MCPH1: variants seen among roughly 807,000 people sequenced by gnomAD.
The protein encoded by MCPH1 is microcephalin 1, also known as microcephalin.
In MCPH1, 104 loss-of-function variants were observed where a neutral mutation model predicts 84.5. The ratio of observed to expected loss-of-function variants is 1.23; its 90% confidence interval spans 1.05 to 1.45. The LOEUF is 1.45. Among genes scored for constraint, MCPH1 ranks in the 40% most tolerant of loss-of-function variants. The pLI is 0.00. For missense variants in MCPH1, 1,498 were observed against 1,005.7 expected (o/e 1.49, Z -6.62); for synonymous variants, 514 against 366.8 (o/e 1.40, Z -4.58).
At position 6,489,154 on chromosome 8, in the gene MCPH1, T is replaced by A. The variant is rs540498322; in HGVS notation, c.2136+8278T>A. On this transcript the variant is annotated intron_variant, in intron 11 of 13. Coordinates refer to ENST00000344683, the MANE Select transcript of MCPH1 (RefSeq NM_024596.5). ...TTCCTACTGGACATTCAAATAGAGA[T>A]ACTACATATCAGATTATATATATGT... 4.6e-5 allele frequency among the ~76,000 whole-genome samples: 7 copies of A among 152,246 alleles called. No homozygotes were observed. The South Asian group carries it at 1.5e-3, about 32-fold the overall frequency.
chr8:6,483,260 G>A (rs905678339), intron 11 of MCPH1, among the ~76,000 whole-genome samples: 7 of 152,196 alleles, frequency 4.6e-5, no homozygotes, highest in African/African-American at 1.4e-4. Context: ...CCAAAATGAT[G>A]TATAGATTTA....
At chr8:6,630,286 G>T (rs754582128) in intron 13 of MCPH1, among the ~76,000 whole-genome samples, 2 of 152,150 alleles carry the variant, frequency 1.3e-5, no homozygotes, top group Admixed American at 6.5e-5. Context: ...GGTTCCAGGA[G>T]AAATACTAAG....
intron 11 of MCPH1, among the ~76,000 whole-genome samples, chr8:6,488,788 C>G (rs899398101): frequency 6.6e-6 from 1 of 151,946 alleles, no homozygotes; most frequent in South Asian, 2.1e-4. Flanking sequence ...TCTGTGGCCT[C>G]TCAGCAAAGA....
rs376152147 is a variant in MCPH1 at position 6,465,500 on chromosome 8, C to T, written c.1935+10248C>T. Among the ~76,000 whole-genome samples the T allele has an allele frequency of 4.6e-5, 7 of 152,318 alleles. No homozygotes were observed. In the East Asian group the frequency reaches 1.2e-3, roughly 25 times the overall value. On this transcript the variant is annotated intron_variant, in intron 9 of 13. Transcript: ENST00000344683. ...GAGACTGTGACTCACTTCTGTCCAA[C>T]AAGATGTGAAGGGAAGTCTTCCTGG...
intron 4 of MCPH1, among the ~76,000 whole-genome samples, chr8:6,435,096 G>A (rs1339734344): frequency 6.6e-6 from 1 of 152,190 alleles, no homozygotes; most frequent in Non-Finnish European, 1.5e-5. Context: ...GGGGTTTCAT[G>A]TGTTTGTGAG....
rs574775764 is a variant in MCPH1, at chr8:6,414,597, C to T, written c.115-168C>T. Among the ~76,000 whole-genome samples the T allele has an allele frequency of 8.5e-5, 13 of 152,192 alleles. No individual in the cohort carries two copies. In the East Asian group the frequency reaches 1.7e-3, roughly 20 times the overall value. ...ATGTGAACTTGTGTGTATGATTCAC[C>T]GTTGTAACTGGAACAGATATGTTTT... is the stretch of plus-strand genomic sequence containing the variant. On this transcript the variant is annotated intron_variant, in intron 2 of 13. Coordinates refer to ENST00000344683, the MANE Select transcript of MCPH1 (RefSeq NM_024596.5).
intron 13 of MCPH1, among the ~76,000 whole-genome samples, chr8:6,639,536 G>A (rs1379623693): frequency 6.6e-6 from 1 of 152,022 alleles, no homozygotes; most frequent in East Asian, 1.9e-4. Context: ...CATGGCACAT[G>A]CCTGTAGTCC....
intron 11 of MCPH1, among the ~76,000 whole-genome samples, chr8:6,486,660 G>A (rs949769143): frequency 1.3e-5 from 2 of 152,168 alleles, no homozygotes; most frequent in Non-Finnish European, 2.9e-5. Context: ...CTGTTTTCAG[G>A]AAAGAGAATA....
intron 12 of MCPH1, among the ~76,000 whole-genome samples, chr8:6,607,845 C>T (rs565225624): frequency 6.6e-6 from 1 of 152,216 alleles, no homozygotes; most frequent in African/African-American, 2.4e-5. Context: ...AAACTTCTTT[C>T]TCTTTATAAA....
Position 6,445,443 on chromosome 8 carries a change from C to T in MCPH1, c.1721C>T (p.Ser574Phe), listed in dbSNP as rs867661319. The change falls in exon 8 of 14, where the codon TCT (serine) becomes TTT (phenylalanine). Residue 574 changes from serine to phenylalanine, a missense_variant. Transcript: ENST00000344683. The stretch of plus-strand genomic sequence containing the variant: ...ACCACTTCCAAAATATCAAACTCCT[C>T]TGAAGGCGAAGCCCAGAGTGAACAT... ...KGTTSKISNS[S>F]EGEAQSEHEP... 2 of 1,614,232 alleles carry T rather than the reference C, an allele frequency of 1.2e-6. No homozygotes were observed. Among genetic ancestry groups the T allele is most frequent in the African/African-American group, 2.7e-5 (2 of 75,068 alleles).
intron 13 of MCPH1, among the ~76,000 whole-genome samples, chr8:6,627,572 G>A (rs547276365): frequency 7.9e-5 from 12 of 152,278 alleles, no homozygotes; most frequent in Admixed American, 3.3e-4. Context: ...TGGTAATGTC[G>A]ACATCTGAGA....
At chr8:6,463,208 T>C (rs1266363787) in intron 9 of MCPH1, among the ~76,000 whole-genome samples, 2 of 152,220 alleles carry the variant, frequency 1.3e-5, no homozygotes, top group Non-Finnish European at 2.9e-5. Flanking sequence ...AATTGTGCTC[T>C]GTCATCTCCC....
chr8:6,563,333 T>C (rs1158958393), intron 12 of MCPH1: 1 of 156,038 alleles, frequency 6.4e-6, no homozygotes, highest in Non-Finnish European at 1.4e-5. Context: ...CCTCCTGGCT[T>C]AGCCGTTATC....
chr8:6,467,071 A>G (rs961611470), intron 9 of MCPH1, among the ~76,000 whole-genome samples: 2 of 152,226 alleles, frequency 1.3e-5, no homozygotes, highest in Non-Finnish European at 2.9e-5. Context: ...CAAAAACTGC[A>G]ATTCAGAATT....
At chr8:6,537,475 C>G (rs999299062) in intron 12 of MCPH1, among the ~76,000 whole-genome samples, 13 of 151,652 alleles carry the variant, frequency 8.6e-5, no homozygotes, top group African/African-American at 3.2e-4. Context: ...GAGTTGCGCC[C>G]CAGACATAGT....
intron 12 of MCPH1, among the ~76,000 whole-genome samples, chr8:6,595,139 G>A (rs1205481329): frequency 6.6e-6 from 1 of 152,170 alleles, no homozygotes; most frequent in Non-Finnish European, 1.5e-5. Flanking sequence ...AGAGATGATT[G>A]ATTGATTCAA....
In MCPH1 at chr8:6,423,764, C is replaced by A. The variant is rs914656384; in HGVS notation, c.234-7735C>A. ...CATATTTAAATATGATAGATGCTGC[C>A]AAATTATCTTCTGGAAGGAGTGTAC... On this transcript the variant is annotated intron_variant, in intron 3 of 13. Coordinates refer to ENST00000344683, the MANE Select transcript of MCPH1 (RefSeq NM_024596.5). 3.3e-5 allele frequency among the ~76,000 whole-genome samples: 5 copies of A among 152,134 alleles called. 1 individual carries two copies. Among genetic ancestry groups the A allele is most frequent in the African/African-American group, 1.2e-4 (5 of 41,428 alleles).
chr8:6,497,025 C>T (rs770342801), intron 11 of MCPH1, among the ~76,000 whole-genome samples: 1 of 151,990 alleles, frequency 6.6e-6, no homozygotes, highest in Non-Finnish European at 1.5e-5. Context: ...AAATTTTGTT[C>T]TTAGCTGAAG....
At chr8:6,461,310 T>C (rs1396601025) in intron 9 of MCPH1, among the ~76,000 whole-genome samples, 1 of 145,156 alleles carries the variant, frequency 6.9e-6, no homozygotes, top group Non-Finnish European at 1.5e-5. Context: ...TATACTTGTT[T>C]CAAATTTGTT....
Sources: allele counts gnomAD v4.1 joint callset (sites outside exome capture counted in the v4.1 genomes callset), GRCh38; gene constraint gnomAD v4.1.1; transcripts MANE v1.5; gene names NCBI Gene and HGNC (gene_info 2026-07-23, HGNC 2026-07-21).